Variants in THSD4 observed in about 807,000 individuals in gnomAD.
The protein encoded by THSD4 is thrombospondin type 1 domain containing 4, also known as thrombospondin type-1 domain-containing protein 4.
THSD4 carries 69 observed loss-of-function variants against 119.0 expected under a neutral mutation model. That is an observed-to-expected ratio of 0.58 (90% CI 0.48 to 0.71). The LOEUF (loss-of-function observed/expected upper bound fraction) is 0.71, where lower values mean the gene tolerates loss of function less well. Ranked by LOEUF, THSD4 falls within the 30% of genes least tolerant of loss-of-function variation. The probability of loss-of-function intolerance (pLI) is 0.00; values close to 1 mark genes in which losing one functional copy is unlikely to be tolerated. For missense variants in THSD4, 1,393 were observed against 1,391.1 expected, an observed-to-expected ratio of 1.00 and a Z score of -0.02; for synonymous variants, 524 against 540.4, an observed-to-expected ratio of 0.97 and a Z score of 0.42.
At chr15:71,193,053 G>A (rs1278065254) in intron 3 of THSD4, among the ~76,000 whole-genome samples, 1 of 152,224 alleles carries the variant, frequency 6.6e-6, no homozygotes, top group African/African-American at 2.4e-5. Context: ...GCAAACCGCT[G>A]ACTGCACAGG....
chr15:71,600,748 CT>C (rs559657361), intron 7 of THSD4, among the ~76,000 whole-genome samples: 61 of 139,776 alleles, frequency 4.4e-4, no homozygotes, highest in Admixed American at 4.2e-4. Flanking sequence ...TTCTTTCTTT[CT>C]TTTTTTTTTT....
At chr15:71,321,704 G>T (rs757049320) in intron 6 of THSD4, among the ~76,000 whole-genome samples, 1 of 152,118 alleles carries the variant, frequency 6.6e-6, no homozygotes, top group Non-Finnish European at 1.5e-5. Flanking sequence ...ATGAATGTGA[G>T]AGTGCTGAAA....
intron 6 of THSD4, among the ~76,000 whole-genome samples, chr15:71,343,392 G>A (rs966797296): frequency 6.6e-6 from 1 of 152,214 alleles, no homozygotes; most frequent in Non-Finnish European, 1.5e-5. Context: ...ACAGATGACT[G>A]TAAAGTTAGT....
chr15:71,441,665 T>C (rs1471280144), intron 7 of THSD4, among the ~76,000 whole-genome samples: 1 of 151,936 alleles, frequency 6.6e-6, no homozygotes, highest in Non-Finnish European at 1.5e-5. Flanking sequence ...AGTGCTGGCA[T>C]TACAGGCGTG....
At chr15:71,766,933 G>A (rs1238252727) in intron 16 of THSD4, 1 of 152,144 alleles carries the variant, frequency 6.6e-6, no homozygotes, top group Admixed American at 6.5e-5. Context: ...TCTGTAAAAG[G>A]AGCAGCTACA....
chr15:71,249,427 T>TAC lies in THSD4; in HGVS notation c.912+6339_912+6340dup, dbSNP rs534944591. Among the ~76,000 whole-genome samples, 838 of 148,640 alleles carry TAC rather than the reference T, an allele frequency of 5.6e-3. 34 individuals are homozygous for TAC. The highest frequency in any genetic ancestry group is 0.02 in the African/African-American group (791 of 39,632). ...TATTGACTTCATATATATATATATA[T>TAC]ACACACACATTTATATACACAAGAA... On this transcript the variant is annotated intron_variant, in intron 5 of 17. Transcript: ENST00000261862.
intron 8 of THSD4, among the ~76,000 whole-genome samples, chr15:71,662,446 C>A (rs549987396): frequency 1.7e-4 from 26 of 152,308 alleles, no homozygotes; most frequent in South Asian, 1.7e-3. Context: ...TTCCTCCTTT[C>A]TTTTGTACTG....
Position 71,408,618 on chromosome 15 carries a change from G to A in THSD4, c.1016-3069G>A, listed in dbSNP as rs527501061. ...TGTAATCCTAGCACTTTGGGAGGCC[G>A]AGGCAGAAGGATCACTTGAGACCAG... On this transcript the variant is annotated intron_variant, in intron 6 of 17. Coordinates refer to ENST00000261862, the MANE Select transcript of THSD4 (RefSeq NM_024817.3). 1.2e-3 allele frequency among the ~76,000 whole-genome samples: 177 copies of A among 152,182 alleles called. 1 individual carries two copies. Among genetic ancestry groups the A allele is most frequent in the African/African-American group, 4.1e-3 (170 of 41,530 alleles).
At chr15:71,312,278 A>G (rs1341713732) in intron 6 of THSD4, among the ~76,000 whole-genome samples, 2 of 152,022 alleles carry the variant, frequency 1.3e-5, no homozygotes, top group Non-Finnish European at 1.5e-5. Context: ...CAGTAAGCTG[A>G]GATCGTACCA....
intron 7 of THSD4, among the ~76,000 whole-genome samples, chr15:71,597,955 C>T (rs955511597): frequency 6.6e-6 from 1 of 152,170 alleles, no homozygotes; most frequent in Non-Finnish European, 1.5e-5. Flanking sequence ...TTAGTGGGCT[C>T]TTACTATGGT....
At chr15:71,227,772 C>A (rs138952214) in intron 4 of THSD4, among the ~76,000 whole-genome samples, 1 of 152,148 alleles carries the variant, frequency 6.6e-6, no homozygotes, top group African/African-American at 2.4e-5. Flanking sequence ...AATGTGGACA[C>A]GGGTAATTTA....
At chr15:71,326,726 T>TATATATATATATATA (rs1491127315) in intron 6 of THSD4, among the ~76,000 whole-genome samples, 124 of 87,906 alleles carry the variant, frequency 1.4e-3, no homozygotes, top group Non-Finnish European at 2.1e-3. Flanking sequence ...TATATATATA[T>TATATATATATATATA]TAGCTGGGTG....
At chr15:71,390,142 A>G (rs2046357866) in intron 6 of THSD4, among the ~76,000 whole-genome samples, 1 of 152,088 alleles carries the variant, frequency 6.6e-6, no homozygotes, top group African/African-American at 2.4e-5. Flanking sequence ...GCAATCCCTG[A>G]ATTTTCAGAT....
chr15:71,244,641 G>A (rs777871435), intron 5 of THSD4, among the ~76,000 whole-genome samples: 2 of 152,150 alleles, frequency 1.3e-5, no homozygotes, highest in Non-Finnish European at 2.9e-5. Context: ...CAGAGTAGGT[G>A]TCACGGAGAA....
In THSD4 at chr15:71,660,654, G is replaced by A. The variant is rs2051285699; in HGVS notation, c.1277G>A (p.Gly426Asp). The A allele has an allele frequency of 1.2e-6, 2 of 1,614,172 alleles. No homozygotes were observed. Among genetic ancestry groups the A allele is most frequent in the East Asian group, 4.5e-5 (2 of 44,868 alleles). ...GVFKHALTSLGYHRVVEIPEG... is the reference protein window; with the variant it reads ...GVFKHALTSLDYHRVVEIPEG... ...TTTAAGCATGCCCTCACCAGCCTGGGCTACCACCGCGTCGTGGAGATTCCC... is the reference window on the plus strand; with the variant it reads ...TTTAAGCATGCCCTCACCAGCCTGGACTACCACCGCGTCGTGGAGATTCCC... Residue 426 changes from glycine (G) to aspartate (D), a missense_variant, in exon 8 of 18, where the codon GGC (glycine) becomes GAC (aspartate). Gly to Asp is a moderately conservative substitution (Grantham distance 94). Transcript: ENST00000261862.
chr15:71,138,860 TGGTG>T (rs1025494730), intron 1 of THSD4, among the ~76,000 whole-genome samples: 7 of 150,026 alleles, frequency 4.7e-5, no homozygotes, highest in African/African-American at 1.8e-4. Context: ...TGTAATTTCT[TGGTG>T]TGTGTGTGTG....
chr15:71,173,901 T>A (rs1016797228), intron 3 of THSD4, among the ~76,000 whole-genome samples: 2 of 152,080 alleles, frequency 1.3e-5, no homozygotes, highest in South Asian at 4.1e-4. Flanking sequence ...CCAAGACCAT[T>A]CGATGGGAAA....
rs776916144 is a variant in THSD4, at chr15:71,448,250, TGAGAATATTAA to T, written c.1152+36430_1152+36440del. Among the ~76,000 whole-genome samples, 68 of 152,304 alleles carry T rather than the reference TGAGAATATTAA, an allele frequency of 4.5e-4. 1 individual carries two copies. The highest frequency in any genetic ancestry group is 2.5e-3 in the Admixed American group (38 of 15,294). ...TGTATCATATTGTCCACATCCTCAT[TGAGAATATTAA>T]GAAGACAATGTTGAGAAGACTGACG... On this transcript the variant is annotated intron_variant, in intron 7 of 17. Coordinates refer to ENST00000261862, the MANE Select transcript of THSD4 (RefSeq NM_024817.3).
chr15:71,499,425 T>TTATC (rs1357102159), intron 7 of THSD4, among the ~76,000 whole-genome samples: 1 of 152,006 alleles, frequency 6.6e-6, no homozygotes, highest in Non-Finnish European at 1.5e-5. Context: ...TTCCATACAC[T>TTATC]TATCTTCTAA....
Sources: gnomAD v4.1 joint callset for allele counts (sites outside exome capture counted in the v4.1 genomes callset) on GRCh38, gnomAD v4.1.1 for gene constraint, MANE v1.5 for transcripts, NCBI Gene and HGNC (gene_info 2026-07-23, HGNC 2026-07-21) for gene names.